The following CAMKMT variants were observed in gnomAD, a reference collection of about 807,000 sequenced individuals.
CAMKMT encodes the protein CaM KMT.
CAMKMT carries 53 observed loss-of-function variants against 48.0 expected under a neutral mutation model. That is an observed-to-expected ratio of 1.10 (90% CI 0.89 to 1.39). The LOEUF (loss-of-function observed/expected upper bound fraction) is 1.39. Among genes scored for constraint, CAMKMT ranks in the 40% most tolerant of loss-of-function variants. CAMKMT has a pLI of 0.00. For synonymous variants in CAMKMT, 165 were observed against 152.3 expected, an observed-to-expected ratio of 1.08 and a Z score of -0.61; for missense variants, 428 against 402.7, an observed-to-expected ratio of 1.06 and a Z score of -0.54.
intron 3 of CAMKMT, among the ~76,000 whole-genome samples, chr2:44,519,468 G>A (rs1670992094): frequency 6.6e-6 from 1 of 152,140 alleles, no homozygotes; most frequent in Non-Finnish European, 1.5e-5. Context: ...CATGCAATAA[G>A]TGAAAATATT....
rs1558814590 is a variant in CAMKMT at position 44,716,137 on chromosome 2, T to C, written c.623+784T>C. ...TTTGTCATTCATTTAACCACAGACT[T>C]TATTAGAATAACTCTCTGTTAAATT... On this transcript the variant is annotated intron_variant, in intron 7 of 10. Transcript: ENST00000378494. Among the ~76,000 whole-genome samples the C allele has an allele frequency of 5.9e-5, 9 of 152,316 alleles. No individual in the cohort carries two copies. In the South Asian group the frequency reaches 1.9e-3, roughly 32 times the overall value.
intron 1 of CAMKMT, among the ~76,000 whole-genome samples, chr2:44,363,188 A>C (rs1678146601): frequency 6.6e-6 from 1 of 152,246 alleles, no homozygotes; most frequent in Non-Finnish European, 1.5e-5. Context: ...ATACATTGAC[A>C]GTCTTTCCAG....
intron 3 of CAMKMT, among the ~76,000 whole-genome samples, chr2:44,572,272 C>A (rs1054322916): frequency 6.6e-6 from 1 of 152,160 alleles, no homozygotes; most frequent in Non-Finnish European, 1.5e-5. Flanking sequence ...GTCTTAAACT[C>A]CTGGGCTCAA....
intron 3 of CAMKMT, among the ~76,000 whole-genome samples, chr2:44,532,637 G>A (rs988521042): frequency 7.9e-5 from 12 of 152,086 alleles, no homozygotes; most frequent in Non-Finnish European, 1.5e-4. Flanking sequence ...CTTTCCAATG[G>A]GAAAGCAAAA....
At chr2:44,704,991 A>G (rs1677473746) in intron 4 of CAMKMT, among the ~76,000 whole-genome samples, 1 of 152,138 alleles carries the variant, frequency 6.6e-6, no homozygotes. Context: ...GTAGACCCAG[A>G]AAATATAGGT....
At chr2:44,436,696 G>A (rs1226705336) in intron 3 of CAMKMT, among the ~76,000 whole-genome samples, 1 of 151,916 alleles carries the variant, frequency 6.6e-6, no homozygotes, top group East Asian at 1.9e-4. Context: ...ATTTAGGACT[G>A]TGTCAGTAAG....
intron 3 of CAMKMT, among the ~76,000 whole-genome samples, chr2:44,529,925 C>T (rs1666390818): frequency 6.6e-6 from 1 of 152,182 alleles, no homozygotes; most frequent in African/African-American, 2.4e-5. Flanking sequence ...TGTTCCAGTG[C>T]AGTGCCGCAT....
intron 6 of CAMKMT, among the ~76,000 whole-genome samples, chr2:44,713,692 C>T (rs1403316500): frequency 7.2e-5 from 11 of 152,060 alleles, no homozygotes; most frequent in Admixed American, 7.2e-4. Context: ...CTCAACAAAG[C>T]CCTTCATTAG....
chr2:44,754,499 T>C (rs2104389941), intron 9 of CAMKMT, among the ~76,000 whole-genome samples: 1 of 152,380 alleles, frequency 6.6e-6, no homozygotes, highest in African/African-American at 2.4e-5. Context: ...AATGGCAACC[T>C]TTCTCATTGG....
Position 44,618,869 on chromosome 2 carries a change from A to G in CAMKMT, c.377-85414A>G, listed in dbSNP as rs183692168. Among the ~76,000 whole-genome samples, 21 of 152,318 alleles carry G rather than the reference A, an allele frequency of 1.4e-4. No individual in the cohort carries two copies. In the East Asian group the frequency reaches 3.7e-3, roughly 27 times the overall value. ...TTTTATTCTATTTCATGTATAATTG[A>G]TGACAATGTTTCATGTAATTATTGA... On this transcript the variant is annotated intron_variant, in intron 3 of 10. Coordinates refer to ENST00000378494, the MANE Select transcript of CAMKMT (RefSeq NM_024766.5). The surrounding 1 kb of genome is among the most constrained non-coding windows in gnomAD (Gnocchi z 4.0).
intron 3 of CAMKMT, among the ~76,000 whole-genome samples, chr2:44,511,641 C>A (rs189063675): frequency 2.6e-5 from 4 of 152,132 alleles, no homozygotes; most frequent in Non-Finnish European, 4.4e-5. Context: ...CATTCTTAAT[C>A]GTTACATTGG....
intron 3 of CAMKMT, among the ~76,000 whole-genome samples, chr2:44,701,263 C>T (rs1677242675): frequency 1.3e-5 from 2 of 152,318 alleles, no homozygotes; most frequent in South Asian, 4.1e-4. Flanking sequence ...ATCAGGGTTC[C>T]AATTTCTCCA....
chr2:44,456,530 G>C, intron 3 of CAMKMT: 1 of 1,546,154 alleles, frequency 6.5e-7, no homozygotes, highest in Non-Finnish European at 8.7e-7. Context: ...CTACAGCCAA[G>C]TTTACCTTTT....
intron 7 of CAMKMT, among the ~76,000 whole-genome samples, chr2:44,722,947 G>A (rs1678552165): frequency 6.6e-6 from 1 of 152,118 alleles, no homozygotes; most frequent in African/African-American, 2.4e-5. Flanking sequence ...CAGCATGAGG[G>A]GGGTCTGAAT....
chr2:44,539,923 G>A (rs1402185121), intron 3 of CAMKMT, among the ~76,000 whole-genome samples: 5 of 152,104 alleles, frequency 3.3e-5, no homozygotes, highest in African/African-American at 7.2e-5. Flanking sequence ...AGGTTTTCCA[G>A]TGTAAAGTTA....
rs374217327 is a variant in CAMKMT, at chr2:44,500,202, GT to G, written c.376+109901del. Among the ~76,000 whole-genome samples the G allele has an allele frequency of 2.9e-3, 443 of 152,224 alleles. 1 individual carries two copies. Among genetic ancestry groups the G allele is most frequent in the Middle Eastern group, 0.017 (5 of 292 alleles). ...TATCATTAATCTAGTTCTCACTAGG[GT>G]TTTAGAGTATCTAAGTAGGTTTTAC... On this transcript the variant is annotated intron_variant, in intron 3 of 10. Transcript: ENST00000378494.
chr2:44,563,315 A>G (rs1378852324), intron 3 of CAMKMT, among the ~76,000 whole-genome samples: 1 of 151,730 alleles, frequency 6.6e-6, no homozygotes, highest in Non-Finnish European at 1.5e-5. Context: ...TTCAAAATGT[A>G]CTATGAATAT....
chr2:44,448,723 AC>A (rs1667135476), intron 3 of CAMKMT, among the ~76,000 whole-genome samples: 1 of 152,206 alleles, frequency 6.6e-6, no homozygotes. Flanking sequence ...TATGTTATAA[AC>A]TGTTATTCTG....
Position 44,653,929 on chromosome 2 carries a change from A to G in CAMKMT, c.377-50354A>G, listed in dbSNP as rs957810026. ...AAGACTAGGAGTATTTTTCAGTTCC[A>G]GTATAATCAAACCCATTTATGAAAA... is the stretch of plus-strand genomic sequence containing the variant. On this transcript the variant is annotated intron_variant, in intron 3 of 10. Coordinates refer to ENST00000378494, the MANE Select transcript of CAMKMT (RefSeq NM_024766.5). The surrounding 1 kb of genome is among the most constrained non-coding windows in gnomAD (Gnocchi z 5.2). 4.6e-5 allele frequency among the ~76,000 whole-genome samples: 7 copies of G among 152,230 alleles called. No individual in the cohort carries two copies. Among genetic ancestry groups the G allele is most frequent in the Non-Finnish European group, 1.0e-4 (7 of 68,036 alleles).
Sources: allele counts gnomAD v4.1 joint callset (sites outside exome capture counted in the v4.1 genomes callset), GRCh38; gene constraint gnomAD v4.1.1; non-coding constraint Gnocchi (gnomAD v3.1); transcripts MANE v1.5; gene names NCBI Gene and HGNC (gene_info 2026-07-23, HGNC 2026-07-21).